The following PCDH9 variants were observed in gnomAD, a reference collection of about 807,000 sequenced individuals.
The protein encoded by PCDH9 is protocadherin 9.
PCDH9 carries 24 observed loss-of-function variants against 70.6 expected under a neutral mutation model. The ratio of observed to expected loss-of-function variants is 0.34; its 90% CI spans 0.25 to 0.48. The LOEUF is 0.48. Ranked by LOEUF, PCDH9 falls within the 20% of genes least tolerant of loss-of-function variation. The probability of loss-of-function intolerance (pLI) is 0.99; values close to 1 mark genes in which losing one functional copy is unlikely to be tolerated. For missense variants in PCDH9, 1,281 were observed against 1,503.6 expected (o/e 0.85, Z 2.45); for synonymous variants, 562 against 558.5 (o/e 1.01, Z -0.09).
intron 2 of PCDH9, among the ~76,000 whole-genome samples, chr13:67,010,713 T>C (rs2084436602): frequency 6.6e-6 from 1 of 152,002 alleles, no homozygotes. Flanking sequence ...TTGTCCTTGA[T>C]GACAAAAATA....
chr13:66,896,870 T>G (rs1300376770), intron 3 of PCDH9, among the ~76,000 whole-genome samples: 1 of 152,200 alleles, frequency 6.6e-6, no homozygotes, highest in Non-Finnish European at 1.5e-5. Flanking sequence ...CACCTGGCCT[T>G]CACGCAGGCT....
chr13:66,608,611 A>T (rs1376232626), intron 4 of PCDH9, among the ~76,000 whole-genome samples: 2 of 151,960 alleles, frequency 1.3e-5, no homozygotes, highest in Non-Finnish European at 1.5e-5. Context: ...AAGGGAATAG[A>T]CAGAGTTTGA....
At chr13:67,140,279 A>C (rs2087349387) in intron 2 of PCDH9, among the ~76,000 whole-genome samples, 2 of 152,184 alleles carry the variant, frequency 1.3e-5, no homozygotes, top group African/African-American at 2.4e-5. Flanking sequence ...CAATCCATGC[A>C]TAGCTTAGCT....
chr13:67,160,221 GA>G (rs1448268649), intron 2 of PCDH9, among the ~76,000 whole-genome samples: 1 of 152,144 alleles, frequency 6.6e-6, no homozygotes, highest in African/African-American at 2.4e-5. Context: ...TCCTGCAATA[GA>G]AAATTATTTT....
At chr13:66,627,039 C>T (rs866813536) in intron 4 of PCDH9, among the ~76,000 whole-genome samples, 3 of 151,578 alleles carry the variant, frequency 2.0e-5, no homozygotes, top group East Asian at 1.9e-4. Flanking sequence ...AATGTCTCCA[C>T]ATGATACTAC....
intron 2 of PCDH9, among the ~76,000 whole-genome samples, chr13:67,093,399 A>C (rs974094216): frequency 1.3e-5 from 2 of 152,072 alleles, no homozygotes; most frequent in Non-Finnish European, 2.9e-5. Flanking sequence ...GGTTGCAGTG[A>C]GCTAAGATTG....
At chr13:66,730,969 C>T (rs772723957) in intron 3 of PCDH9, among the ~76,000 whole-genome samples, 1 of 147,086 alleles carries the variant, frequency 6.8e-6, no homozygotes, top group Non-Finnish European at 1.5e-5. Context: ...AGCTATCTTC[C>T]TGCCTCGGCC....
At chr13:66,322,855 A>T (rs1282118158) in intron 4 of PCDH9, among the ~76,000 whole-genome samples, 2 of 152,008 alleles carry the variant, frequency 1.3e-5, no homozygotes, top group Non-Finnish European at 2.9e-5. Flanking sequence ...ATCTTTATAT[A>T]CTTCATGTTC....
At chr13:66,799,162 T>C (rs928324285) in intron 3 of PCDH9, among the ~76,000 whole-genome samples, 3 of 152,162 alleles carry the variant, frequency 2.0e-5, no homozygotes, top group Non-Finnish European at 4.4e-5. Flanking sequence ...CTTTCTTTTA[T>C]ACATTTCATG....
At chr13:66,634,259 T>C (rs11618200) in intron 3 of PCDH9, among the ~76,000 whole-genome samples, 6 of 152,200 alleles carry the variant, frequency 3.9e-5, no homozygotes, top group Non-Finnish European at 7.3e-5. Context: ...AGTGGTGATG[T>C]GTATGGATTA....
At chr13:66,748,126 T>A (rs1325837385) in intron 3 of PCDH9, among the ~76,000 whole-genome samples, 2 of 152,196 alleles carry the variant, frequency 1.3e-5, no homozygotes, top group Non-Finnish European at 2.9e-5. Flanking sequence ...ATATTGTAAA[T>A]TTAAGAGGTA....
intron 3 of PCDH9, among the ~76,000 whole-genome samples, chr13:66,639,935 G>A (rs2077687145): frequency 6.6e-6 from 1 of 152,106 alleles, no homozygotes. Flanking sequence ...AGGAGCAGCT[G>A]TTCCTGAATC....
intron 3 of PCDH9, among the ~76,000 whole-genome samples, chr13:66,822,804 G>A (rs1288211580): frequency 6.6e-6 from 1 of 151,880 alleles, no homozygotes; most frequent in African/African-American, 2.4e-5. Context: ...CACTGCACTC[G>A]GATGATATTC....
chr13:66,756,008 T>C (rs2079533723), intron 3 of PCDH9, among the ~76,000 whole-genome samples: 1 of 152,122 alleles, frequency 6.6e-6, no homozygotes, highest in African/African-American at 2.4e-5. Flanking sequence ...CCAGTAATTG[T>C]GGTCAAATAT....
chr13:67,006,648 T>G (rs1428444466), intron 2 of PCDH9, among the ~76,000 whole-genome samples: 1 of 152,218 alleles, frequency 6.6e-6, no homozygotes, highest in African/African-American at 2.4e-5. Flanking sequence ...TTTTAGCTGT[T>G]TAAGTTGAAT....
intron 3 of PCDH9, among the ~76,000 whole-genome samples, chr13:66,718,510 T>C (rs188588804): frequency 1.3e-5 from 2 of 152,320 alleles, no homozygotes; most frequent in Non-Finnish European, 1.5e-5. Context: ...TGTTTATGTG[T>C]ATAACTATGA....
intron 3 of PCDH9, among the ~76,000 whole-genome samples, chr13:66,646,043 G>A (rs1004108165): frequency 1.8e-4 from 28 of 152,184 alleles, no homozygotes; most frequent in African/African-American, 4.3e-4. Context: ...TACAAAAGCC[G>A]CCTCTTGTCA....
chr13:67,170,719 C>T (rs1352126101), intron 2 of PCDH9, among the ~76,000 whole-genome samples: 1 of 152,042 alleles, frequency 6.6e-6, no homozygotes, highest in Non-Finnish European at 1.5e-5. Context: ...GAAGCCAAGA[C>T]TTCAAGACCA....
chr13:66,428,841 G>A (rs183962567), intron 4 of PCDH9, among the ~76,000 whole-genome samples: 1 of 151,666 alleles, frequency 6.6e-6, no homozygotes, highest in Non-Finnish European at 1.5e-5. Context: ...AGAAATTAAA[G>A]TATATATTCA....
Sources: allele counts gnomAD v4.1 joint callset (sites outside exome capture counted in the v4.1 genomes callset), GRCh38; gene constraint gnomAD v4.1.1; transcripts MANE v1.5; gene names NCBI Gene and HGNC (gene_info 2026-07-23, HGNC 2026-07-21).